The following ZNF577 variants were observed in gnomAD, a reference collection of about 807,000 sequenced individuals.
ZNF577 encodes the protein zinc finger protein 577.
ZNF577 carries 14 observed loss-of-function variants against 13.9 expected under a neutral mutation model. The observed-to-expected ratio is 1.00, with a 90% confidence interval of 0.66 to 1.57. The LOEUF (loss-of-function observed/expected upper bound fraction) is 1.57, where lower values mean the gene tolerates loss of function less well. ZNF577 is among the 40% of genes most tolerant of loss of function. ZNF577 has a pLI of 0.00. For missense variants in ZNF577, 555 were observed against 579.2 expected, an observed-to-expected ratio of 0.96 and a Z score of 0.43; for synonymous variants, 203 against 202.9, an observed-to-expected ratio of 1.00 and a Z score of 0.00.
At chr19:51,805,936 C>T (rs914327352) in intron 10 of ZNF577, among the ~76,000 whole-genome samples, 1 of 152,062 alleles carries the variant, frequency 6.6e-6, no homozygotes, top group Non-Finnish European at 1.5e-5. Flanking sequence ...GGGATGCAAC[C>T]TAAAATCATC....
chr19:51,832,841 TTG>T (rs2122521195), intron 9 of ZNF577, among the ~76,000 whole-genome samples: 1 of 152,296 alleles, frequency 6.6e-6, no homozygotes, highest in South Asian at 2.1e-4. Flanking sequence ...AAAGTCAATA[TTG>T]TGTGTGGATC....
At chr19:51,860,182 A>C (rs1285997340) in intron 5 of ZNF577, 1 of 152,212 alleles carries the variant, frequency 6.6e-6, no homozygotes, top group Non-Finnish European at 1.5e-5. Flanking sequence ...TTCACAATTT[A>C]AGACATGGTA....
In ZNF577 at chr19:51,869,212, G is replaced by A. The variant is rs974943218; in HGVS notation, c.*3320C>T. ...AGAGGAAGGCATCTGTCTCTTGCTC[G>A]TCCCTGGGAATGGAATGTCTTGGTG... On this transcript the variant is annotated 3_prime_UTR_variant, in exon 6 of 6. Coordinates refer to ENST00000638348, the MANE Select transcript of ZNF577 (RefSeq NM_001370449.1). Among the ~76,000 whole-genome samples the A allele has an allele frequency of 3.9e-5, 6 of 152,158 alleles. No individual in the cohort carries two copies. Among genetic ancestry groups the A allele is most frequent in the Non-Finnish European group, 5.9e-5 (4 of 68,026 alleles).
chr19:51,879,299 G>A (rs1394800854), intron 3 of ZNF577, among the ~76,000 whole-genome samples: 1 of 151,298 alleles, frequency 6.6e-6, no homozygotes, highest in Non-Finnish European at 1.5e-5. Flanking sequence ...GCTGGGCATG[G>A]TGGCTCACGC....
In ZNF577 at chr19:51,880,248, T is replaced by C. The variant is rs1294182590; in HGVS notation, c.60+75A>G. ...CATGCCTTTATTACAAGGCTGACTT[T>C]GAGGATACCGTCAACCACAAAAGCT... On this transcript the variant is annotated intron_variant, in intron 3 of 5. Transcript: ENST00000638348. The C allele has an allele frequency of 2.7e-6, 4 of 1,460,170 alleles. No homozygotes were observed. In the African/African-American group the frequency reaches 5.6e-5, roughly 21 times the overall value. The allele number at this position is 1,460,170 out of a possible 1,614,324, so 90.5% of individuals were successfully genotyped here. A position where few individuals can be genotyped will look rare whatever the true frequency, so the allele number is the denominator to read the frequency against.
intron 9 of ZNF577, among the ~76,000 whole-genome samples, chr19:51,814,491 T>C (rs1283277057): frequency 1.3e-5 from 2 of 151,650 alleles, no homozygotes; most frequent in Non-Finnish European, 2.9e-5. Context: ...TTGTTTTTTG[T>C]TTGTTTTGTT....
exon 9 of ZNF577, chr19:51,840,114 C>G (rs987166619): frequency 2.0e-5 from 3 of 152,176 alleles, no homozygotes; most frequent in African/African-American, 7.2e-5. Flanking sequence ...TAAATTCCAT[C>G]GTGCTAGAAA....
intron 9 of ZNF577, among the ~76,000 whole-genome samples, chr19:51,829,899 T>TCAAAAGGGAAA (rs1438366282): frequency 2.6e-5 from 4 of 152,120 alleles, no homozygotes; most frequent in African/African-American, 9.7e-5. Flanking sequence ...TGGGGCACCT[T>TCAAAAGGGAAA]CAAAAGGGAA....
At chr19:51,820,463 T>C (rs895773620) in intron 9 of ZNF577, among the ~76,000 whole-genome samples, 3 of 152,186 alleles carry the variant, frequency 2.0e-5, no homozygotes, top group Non-Finnish European at 4.4e-5. Flanking sequence ...TCAGTACAGG[T>C]ATCATCTCTG....
chr19:51,821,344 T>G (rs555851231), intron 9 of ZNF577, among the ~76,000 whole-genome samples: 75 of 152,250 alleles, frequency 4.9e-4, no homozygotes, highest in African/African-American at 1.8e-3. Context: ...GAGTTTTGCC[T>G]CCCACGGGAC....
downstream of ZNF577, among the ~76,000 whole-genome samples, chr19:51,866,183 T>C (rs1453028219): frequency 6.6e-6 from 1 of 151,538 alleles, no homozygotes; most frequent in Non-Finnish European, 1.5e-5. Flanking sequence ...TGACAAAGAC[T>C]TGAACACTTA....
chr19:51,817,991 T>TTTTTC (rs1166580246), intron 9 of ZNF577, among the ~76,000 whole-genome samples: 7 of 152,018 alleles, frequency 4.6e-5, no homozygotes, highest in East Asian at 3.8e-4. Context: ...TTTTTTTTCT[T>TTTTTC]TTTTCTTTTC....
chr19:51,884,592 G>A (rs1447394307), intron 1 of ZNF577, among the ~76,000 whole-genome samples: 2 of 151,822 alleles, frequency 1.3e-5, no homozygotes, highest in African/African-American at 4.8e-5. Context: ...AAAAAGTGAA[G>A]CCTCTCTAAC....
chr19:51,833,917 G>A (rs1000982077), intron 9 of ZNF577, among the ~76,000 whole-genome samples: 2 of 152,150 alleles, frequency 1.3e-5, no homozygotes, highest in African/African-American at 4.8e-5. Flanking sequence ...GGGATACAGA[G>A]TGATATGTTG....
chr19:51,849,678 A>G (rs1034265681), intron 5 of ZNF577, among the ~76,000 whole-genome samples: 1 of 152,222 alleles, frequency 6.6e-6, no homozygotes, highest in African/African-American at 2.4e-5. Context: ...TGGAACCCTC[A>G]TACACTGTTA....
In ZNF577 at chr19:51,872,247, G is replaced by A. The variant is rs1323298968; in HGVS notation, c.*285C>T. On this transcript the variant is annotated 3_prime_UTR_variant, in exon 6 of 6. Coordinates refer to ENST00000638348, the MANE Select transcript of ZNF577 (RefSeq NM_001370449.1). ...AGTTGTCTATGTTTCTTTGGCACACGAGGCACAATTTAGCGCTAAAAGCAC... is the reference window on the plus strand; with the variant it reads ...AGTTGTCTATGTTTCTTTGGCACACAAGGCACAATTTAGCGCTAAAAGCAC... 4.8e-5 allele frequency: 12 copies of A among 249,490 alleles called. No individual in the cohort carries two copies. The highest frequency in any genetic ancestry group is 5.3e-5 in the Non-Finnish European group (7 of 131,150). 15.5% of individuals were successfully genotyped at this position (249,490 alleles called of 1,614,324 possible).
intron 5 of ZNF577, among the ~76,000 whole-genome samples, chr19:51,850,166 C>T (rs1458873834): frequency 2.0e-5 from 3 of 152,186 alleles, no homozygotes; most frequent in Non-Finnish European, 4.4e-5. Flanking sequence ...CTCTCAACTC[C>T]TGGGAGATGA....
intron 9 of ZNF577, among the ~76,000 whole-genome samples, chr19:51,819,490 T>C (rs1419014420): frequency 1.5e-5 from 2 of 131,536 alleles, no homozygotes; most frequent in Non-Finnish European, 3.4e-5. Context: ...TATCATCTTA[T>C]GATATGGAAA....
intron 9 of ZNF577, among the ~76,000 whole-genome samples, chr19:51,822,798 T>A (rs2084200239): frequency 6.6e-6 from 1 of 151,918 alleles, no homozygotes; most frequent in Admixed American, 6.6e-5. Context: ...CGGGAGAAAG[T>A]AAATATAGGG....
Sources: gnomAD v4.1 joint callset for allele counts (sites outside exome capture counted in the v4.1 genomes callset) on GRCh38, gnomAD v4.1.1 for gene constraint, MANE v1.5 for transcripts, NCBI Gene and HGNC (gene_info 2026-07-23, HGNC 2026-07-21) for gene names.